The following EFHC2 variants were observed in gnomAD, a reference collection of about 807,000 sequenced individuals.
EFHC2 encodes the protein EF-hand domain containing 2.
Under a neutral mutation model 52.7 loss-of-function variants are expected in EFHC2, and 18 were observed. That is an observed-to-expected ratio of 0.34 (90% CI 0.24 to 0.51). EFHC2 has a LOEUF of 0.51. Among genes scored for constraint, EFHC2 ranks in the 20% least tolerant of loss-of-function variants. EFHC2 has a pLI of 0.97. For synonymous variants in EFHC2, 203 were observed against 204.1 expected (o/e 0.99, Z 0.04); for missense variants, 513 against 562.5 (o/e 0.91, Z 0.89).
chrX:44,183,136 T>A (rs2036848113), intron 11 of EFHC2, among the ~76,000 whole-genome samples: 1 of 111,592 alleles, frequency 9.0e-6, no homozygotes, highest in Non-Finnish European at 1.9e-5. Context: ...TAAAAAAAAA[T>A]TAGTTTTAGC....
intron 8 of EFHC2, among the ~76,000 whole-genome samples, chrX:44,240,955 C>T (rs946450567): frequency 8.9e-6 from 1 of 112,154 alleles, no homozygotes; most frequent in Non-Finnish European, 1.9e-5. Flanking sequence ...GACTTTAAGA[C>T]ATTCTATATA....
chrX:44,236,734 T>C (rs1371023441), intron 8 of EFHC2, among the ~76,000 whole-genome samples: 2 of 111,406 alleles, frequency 1.8e-5, no homozygotes, highest in African/African-American at 6.5e-5. Context: ...CTGTTTTCTC[T>C]GTACCCAGTT....
chrX:44,251,699 T>A (rs1437037171), intron 4 of EFHC2, among the ~76,000 whole-genome samples: 1 of 102,880 alleles, frequency 9.7e-6, no homozygotes, highest in Non-Finnish European at 2.0e-5. Context: ...AACTGACTTT[T>A]CAAAAAGATT....
intron 2 of EFHC2, chrX:44,309,275 GA>G: frequency 8.7e-6 from 5 of 576,804 alleles, no homozygotes; most frequent in East Asian, 3.4e-5. Context: ...TTATGAGATG[GA>G]AAAAAATCAG....
Position 44,232,684 on chromosome X carries a change from A to G in EFHC2, c.1424-7T>C. The G allele has an allele frequency of 8.5e-7, 1 of 1,181,050 alleles. No homozygotes were observed. ...AACATCCCACCAGCAATTCCTATAA[A>G]AAATAGAAAAGTTCATGAGCAGCCT... On this transcript the variant is annotated splice_polypyrimidine_tract_variant and splice_region_variant and intron_variant, in intron 9 of 14. Transcript: ENST00000420999.
At chrX:44,210,796 G>A (rs1231601708) in intron 11 of EFHC2, among the ~76,000 whole-genome samples, 3 of 112,195 alleles carry the variant, frequency 2.7e-5, no homozygotes, top group Non-Finnish European at 5.6e-5. Context: ...CAATACCAAT[G>A]CATAATCCAT....
At chrX:44,319,681 C>G (rs933219652) in intron 1 of EFHC2, among the ~76,000 whole-genome samples, 9 of 112,310 alleles carry the variant, frequency 8.0e-5, no homozygotes, top group Non-Finnish European at 1.7e-4. Flanking sequence ...TTACCATGAC[C>G]TTCCACTTAG....
Position 44,235,421 on chromosome X carries a change from C to T in EFHC2, c.1307G>A (p.Arg436His), listed in dbSNP as rs774103023. The T allele has an allele frequency of 5.0e-6, 6 of 1,192,637 alleles. No homozygotes were observed. In the South Asian group the frequency reaches 5.6e-5, roughly 11 times the overall value. The change falls in exon 9 of 15, where the codon CGT (arginine) becomes CAT (histidine). Residue 436 changes from arginine to histidine, a missense_variant. Coordinates refer to ENST00000420999, the MANE Select transcript of EFHC2 (RefSeq NM_025184.4). ...GTCTGTGACTAGTTTTGCAAAAAAACGGAGTATATTGCTTTTGGAGCCATA... is the reference window on the plus strand; with the variant it reads ...GTCTGTGACTAGTTTTGCAAAAAAATGGAGTATATTGCTTTTGGAGCCATA... The part of the protein sequence containing the change: ...DSYGSKSNIL[R>H]FFAKLVTDKC...
intron 4 of EFHC2, among the ~76,000 whole-genome samples, chrX:44,251,925 C>T (rs2037454528): frequency 9.0e-6 from 1 of 111,024 alleles, no homozygotes; most frequent in African/African-American, 3.3e-5. Flanking sequence ...ATGTTTGACT[C>T]CGTATTAATT....
In EFHC2 at chrX:44,309,766, C is replaced by A. The variant is rs758316375; in HGVS notation, c.231+2802G>T. The A allele has an allele frequency of 2.0e-4, 199 of 992,050 alleles. 1 individual carries two copies. In the African/African-American group the frequency reaches 3.5e-3, roughly 17 times the overall value. 81.8% of individuals were successfully genotyped at this position (992,050 alleles called of 1,213,427 possible). A position where few individuals can be genotyped will look rare whatever the true frequency, so the allele number is the denominator to read the frequency against. On this transcript the variant is annotated intron_variant, in intron 2 of 14. Coordinates refer to ENST00000420999, the MANE Select transcript of EFHC2 (RefSeq NM_025184.4). ...GAGCCAGAATATCGATGCAAAAGAA[C>A]CAGAAAAGAAGATGCCTTCTACTGC...
At chrX:44,322,248 T>C (rs955138145) in intron 1 of EFHC2, among the ~76,000 whole-genome samples, 1 of 112,289 alleles carries the variant, frequency 8.9e-6, no homozygotes, top group Non-Finnish European at 1.9e-5. Context: ...GTACTCACCA[T>C]ATTATACTAT....
chrX:44,232,604 T>A lies in EFHC2; in HGVS notation c.1497A>T (p.Leu499=), dbSNP rs766269043. 5 of 1,196,030 alleles carry A rather than the reference T, an allele frequency of 4.2e-6. No homozygotes were observed. In the African/African-American group the frequency reaches 7.0e-5, roughly 17 times the overall value. Residue 499 remains leucine, a synonymous_variant, in exon 10 of 15, where the codon CTA becomes CTT. Coordinates refer to ENST00000420999, the MANE Select transcript of EFHC2 (RefSeq NM_025184.4). ...KPGQEVFKSE[L]SEYIKAEELY... ...GCTCCTCGGCCTTGATATATTCAGATAGTTCACTTTTAAAGACTTCTTGTC... is the reference window on the plus strand; with the variant it reads ...GCTCCTCGGCCTTGATATATTCAGAAAGTTCACTTTTAAAGACTTCTTGTC...
At chrX:44,288,466 C>T (rs73628332) in intron 2 of EFHC2, among the ~76,000 whole-genome samples, 2,929 of 109,890 alleles carry the variant, frequency 0.027, 101 homozygotes, top group African/African-American at 0.093. Flanking sequence ...TAATGCTACC[C>T]ACTTAGAGAC....
At chrX:44,236,502 T>G (rs2037321184) in intron 8 of EFHC2, among the ~76,000 whole-genome samples, 1 of 112,568 alleles carries the variant, frequency 8.9e-6, no homozygotes, top group Non-Finnish European at 1.9e-5. Flanking sequence ...TGAAAATCAT[T>G]CTTTCCTTGT....
chrX:44,304,677 ATGAAT>A (rs2037891215), intron 2 of EFHC2, among the ~76,000 whole-genome samples: 1 of 111,502 alleles, frequency 9.0e-6, no homozygotes, highest in African/African-American at 3.3e-5. Context: ...TTTTATTTAA[ATGAAT>A]TCAATGAAAT....
intron 2 of EFHC2, among the ~76,000 whole-genome samples, chrX:44,302,397 T>C (rs767285647): frequency 8.9e-6 from 1 of 112,406 alleles, no homozygotes; most frequent in East Asian, 2.8e-4. Context: ...TCTTCTTTAG[T>C]AAAAGGCTCA....
intron 3 of EFHC2, among the ~76,000 whole-genome samples, chrX:44,261,635 T>G (rs1296390799): frequency 9.2e-6 from 1 of 108,290 alleles, no homozygotes; most frequent in Non-Finnish European, 1.9e-5. Context: ...GCTGCCATCA[T>G]GTCTTTTCCT....
intron 1 of EFHC2, among the ~76,000 whole-genome samples, chrX:44,317,378 C>T (rs2037990003): frequency 8.9e-6 from 1 of 112,449 alleles, no homozygotes; most frequent in Admixed American, 9.4e-5. Flanking sequence ...ATATAGCCTC[C>T]AGTGGTATAC....
chrX:44,276,962 C>T (rs772954242), intron 2 of EFHC2, among the ~76,000 whole-genome samples: 27 of 111,403 alleles, frequency 2.4e-4, no homozygotes, highest in Non-Finnish European at 3.8e-4. Flanking sequence ...CATCTAATGT[C>T]AAAAACTTAC....
Sources: gnomAD v4.1 joint callset for allele counts (sites outside exome capture counted in the v4.1 genomes callset) on GRCh38, gnomAD v4.1.1 for gene constraint, MANE v1.5 for transcripts, NCBI Gene and HGNC (gene_info 2026-07-23, HGNC 2026-07-21) for gene names.